Variants in MAU2 observed in about 807,000 individuals in gnomAD.
The protein encoded by MAU2 is MAU2 sister chromatid cohesion factor, also known as MAU2 chromatid cohesion factor homolog.
Under a neutral mutation model 89.1 loss-of-function variants are expected in MAU2, and 9 were observed. The observed-to-expected ratio is 0.10, with a 90% CI of 0.06 to 0.18. MAU2 has a LOEUF of 0.18. MAU2 is among the 10% of genes least tolerant of loss of function. MAU2 has a pLI of 1.00. For missense variants in MAU2, 425 were observed against 803.5 expected (o/e 0.53, Z 5.69); for synonymous variants, 357 against 343.4 (o/e 1.04, Z -0.44).
chr19:19,327,752 T>C (rs1157995257), intron 1 of MAU2, among the ~76,000 whole-genome samples: 4 of 152,056 alleles, frequency 2.6e-5, no homozygotes, highest in Non-Finnish European at 4.4e-5. Context: ...TCAGAACACC[T>C]GCCGGCCGCC....
chr19:19,354,587 GCTCCTCAGGAGA>G, intron 17 of MAU2, 142 bp downstream of exon 17: 1 of 713,236 alleles, frequency 1.4e-6, no homozygotes, highest in South Asian at 1.6e-5. Context: ...GGTAGGGGGT[GCTCCTCAGGAGA>G]CCCTGGTTGA....
chr19:19,341,639 G>A (rs2061647797), intron 7 of MAU2, among the ~76,000 whole-genome samples: 1 of 152,208 alleles, frequency 6.6e-6, no homozygotes, highest in African/African-American at 2.4e-5. Context: ...GGAGTACTAT[G>A]TGTGACATTG....
At chr19:19,354,475 G>GCC (rs765101020) in intron 17 of MAU2, 30 bp downstream of exon 17, 2 of 1,589,166 alleles carry the variant, frequency 1.3e-6, no homozygotes, top group Non-Finnish European at 1.7e-6. Context: ...CTCTTCCCCA[G>GCC]CCCCAGCCTG....
chr19:19,348,623 C>T (rs1318766816), intron 13 of MAU2: 2 of 602,910 alleles, frequency 3.3e-6, no homozygotes, highest in Admixed American at 2.7e-5. Flanking sequence ...CAGCACCACT[C>T]TGACCATACA....
At chr19:19,329,685 GA>G (rs1379501023) in intron 1 of MAU2, among the ~76,000 whole-genome samples, 1 of 151,916 alleles carries the variant, frequency 6.6e-6, no homozygotes, top group Non-Finnish European at 1.5e-5. Context: ...AAAAAAAAAT[GA>G]TTTTGAGCCA....
intron 17 of MAU2, among the ~76,000 whole-genome samples, chr19:19,354,962 T>C (rs1382549120): frequency 2.0e-5 from 3 of 152,154 alleles, no homozygotes; most frequent in African/African-American, 4.8e-5. Flanking sequence ...AGGATGGGCA[T>C]TGGGCGTCCT....
chr19:19,329,199 C>T, intron 1 of MAU2: 3 of 444,500 alleles, frequency 6.7e-6, no homozygotes, highest in South Asian at 1.6e-5. Context: ...CAACTGTGTC[C>T]TGCTAAATTC....
intron 1 of MAU2, among the ~76,000 whole-genome samples, chr19:19,327,798 G>A (rs1398086480): frequency 1.3e-5 from 2 of 152,050 alleles, no homozygotes; most frequent in African/African-American, 4.8e-5. Flanking sequence ...TTCTGGAGCT[G>A]TTACAGTGCA....
At position 19,340,795 on chromosome 19, in the gene MAU2, C is replaced by G. The variant is rs1270837745; in HGVS notation, c.552-51C>G. The G allele has an allele frequency of 1.9e-6, 3 of 1,606,144 alleles. No homozygotes were observed. The African/African-American group carries it at 4.0e-5, about 21-fold the overall frequency. ...AGCCTTGGGGTAATCACAGTCATCCCAGGAGGCTCCTGGGCCTGCTAGGAC... is the reference window on the plus strand; with the variant it reads ...AGCCTTGGGGTAATCACAGTCATCCGAGGAGGCTCCTGGGCCTGCTAGGAC... On this transcript the variant is annotated intron_variant, in intron 5 of 18. Coordinates refer to ENST00000262815, the MANE Select transcript of MAU2 (RefSeq NM_015329.4).
At chr19:19,348,851 A>T (rs2061717122) in intron 13 of MAU2, 38 bp from the exon 14 acceptor site, 9 of 1,609,986 alleles carry the variant, frequency 5.6e-6, no homozygotes, top group Non-Finnish European at 6.0e-6. Flanking sequence ...TCTCCTGTGA[A>T]GATGCAGAAT....
At chr19:19,337,303 G>A (rs2061605011) in intron 4 of MAU2, 38 bp downstream of exon 4, 2 of 1,537,830 alleles carry the variant, frequency 1.3e-6, no homozygotes, top group Non-Finnish European at 1.8e-6. Flanking sequence ...TGCCCGGCAG[G>A]GACCATGACC....
chr19:19,334,929 G>T (rs1188361112), intron 1 of MAU2, among the ~76,000 whole-genome samples: 1 of 152,252 alleles, frequency 6.6e-6, no homozygotes, highest in Non-Finnish European at 1.5e-5. Context: ...CGAGGCTCTT[G>T]TCAGGTGCAG....
rs766249346 is a variant in MAU2, at chr19:19,335,696, CGTT to C, written c.277-18_277-16del. On this transcript the variant is annotated intron_variant, in intron 1 of 18. Coordinates refer to ENST00000262815, the MANE Select transcript of MAU2 (RefSeq NM_015329.4). ...GCCAGGTGTTTGCCTGAGAATTAATCGTTGTTTTCTTTCTTTTTCAGTGGTTGA... is the reference window on the plus strand; with the variant it reads ...GCCAGGTGTTTGCCTGAGAATTAATCGTTTTCTTTCTTTTTCAGTGGTTGA... 5 of 1,613,890 alleles carry C rather than the reference CGTT, an allele frequency of 3.1e-6. No individual in the cohort carries two copies. Among genetic ancestry groups the C allele is most frequent in the Admixed American group, 1.7e-5 (1 of 59,998 alleles).
At chr19:19,341,054 A>G (rs2061640867) in intron 6 of MAU2, among the ~76,000 whole-genome samples, 181 bp downstream of exon 6, 1 of 152,046 alleles carries the variant, frequency 6.6e-6, no homozygotes, top group Non-Finnish European at 1.5e-5. Flanking sequence ...CAGGAGGGAA[A>G]CTCAGGCTGC....
intron 18 of MAU2, 53 bp from the exon 19 acceptor site, chr19:19,355,655 T>A (rs1391688159): frequency 6.7e-7 from 1 of 1,493,212 alleles, no homozygotes; most frequent in Non-Finnish European, 9.2e-7. Flanking sequence ...CAACCTCTTC[T>A]TCCCTGGGAA....
At chr19:19,339,477 G>T (rs974150921) in intron 5 of MAU2, among the ~76,000 whole-genome samples, 1 of 150,660 alleles carries the variant, frequency 6.6e-6, no homozygotes, top group Non-Finnish European at 1.5e-5. Flanking sequence ...CATGAGGCGC[G>T]GGTTTGAGCC....
chr19:19,334,725 C>T (rs2061582681), intron 1 of MAU2: 1 of 467,974 alleles, frequency 2.1e-6, no homozygotes, highest in Non-Finnish European at 2.8e-6. Flanking sequence ...GCTTCAGCCT[C>T]ACCTCCCTGG....
chr19:19,354,747 G>T, intron 17 of MAU2: 1 of 460,726 alleles, frequency 2.2e-6, no homozygotes, highest in Non-Finnish European at 4.0e-6. Flanking sequence ...TTCCCGGAAA[G>T]GCAGACAGCA....
chr19:19,355,945 G>C lies in MAU2; in HGVS notation c.*163G>C, dbSNP rs767020721. The C allele has an allele frequency of 4.0e-6, 3 of 748,626 alleles. No individual in the cohort carries two copies. Among genetic ancestry groups the C allele is most frequent in the African/African-American group, 1.7e-5 (1 of 58,202 alleles). The allele number at this position is 748,626 out of a possible 1,614,324, so 46.4% of individuals were successfully genotyped here. A position where few individuals can be genotyped will look rare whatever the true frequency, so the allele number is the denominator to read the frequency against. ...CAGTCCCTGCCCTCCCAGGAGGGGT[G>C]GTAGCCGTTCCCACCTCGCAGCAGG... On this transcript the variant is annotated 3_prime_UTR_variant, in exon 19 of 19. Coordinates refer to ENST00000262815, the MANE Select transcript of MAU2 (RefSeq NM_015329.4).
Sources: allele counts gnomAD v4.1 joint callset (sites outside exome capture counted in the v4.1 genomes callset), GRCh38; gene constraint gnomAD v4.1.1; transcripts MANE v1.5; gene names NCBI Gene and HGNC (gene_info 2026-07-23, HGNC 2026-07-21).